Variants in TGFBI observed in about 807,000 individuals in gnomAD.
The protein encoded by TGFBI is transforming growth factor-beta-induced protein ig-h3.
In TGFBI, 50 loss-of-function variants were observed where a neutral mutation model predicts 73.7. The observed-to-expected ratio is 0.68, with a 90% CI of 0.54 to 0.86. TGFBI has a LOEUF of 0.86. Among genes scored for constraint, TGFBI ranks in the 40% least tolerant of loss-of-function variants. TGFBI has a pLI of 0.00. For synonymous variants in TGFBI, 362 were observed against 360.5 expected (o/e 1.00, Z -0.05); for missense variants, 839 against 877.0 (o/e 0.96, Z 0.55).
intron 5 of TGFBI, 74 bp from the exon 6 acceptor site, chr5:136,047,200 G>C (rs1353575730): frequency 1.3e-6 from 2 of 1,586,704 alleles, no homozygotes; most frequent in East Asian, 4.5e-5. Context: ...TGAAAACACT[G>C]TTTTCTCCTC....
intron 2 of TGFBI, among the ~76,000 whole-genome samples, chr5:136,037,723 G>A (rs1751253359): frequency 6.6e-6 from 1 of 152,238 alleles, no homozygotes; most frequent in Non-Finnish European, 1.5e-5. Context: ...TTCTCTAGTA[G>A]CAAGTGTTCC....
chr5:136,046,274 G>A, intron 3 of TGFBI, 61 bp from the exon 4 acceptor site: 2 of 1,595,238 alleles, frequency 1.3e-6, no homozygotes, highest in South Asian at 1.1e-5. Context: ...TCAGAGAAGG[G>A]AGGGTGTGGT....
chr5:136,059,124 C>T lies in TGFBI; in HGVS notation c.1713C>T (p.Tyr571=), dbSNP rs771319985. The part of the protein sequence containing the change: ...DAKELANILK[Y]HIGDEILVSG... ...AGGAACTTGCCAACATCCTGAAATACCACATTGGTGATGAAATCCTGGTTA... is the reference window on the plus strand; with the variant it reads ...AGGAACTTGCCAACATCCTGAAATATCACATTGGTGATGAAATCCTGGTTA... The change falls in exon 13 of 17, where the codon TAC becomes TAT. Residue 571 remains tyrosine, a synonymous_variant. Coordinates refer to ENST00000442011, the MANE Select transcript of TGFBI (RefSeq NM_000358.3). The T allele has an allele frequency of 1.5e-4, 237 of 1,611,522 alleles. No individual in the cohort carries two copies. The highest frequency in any genetic ancestry group is 2.0e-4 in the Non-Finnish European group (231 of 1,179,052).
chr5:136,050,875 C>T (rs569740474), intron 7 of TGFBI, among the ~76,000 whole-genome samples: 1 of 152,096 alleles, frequency 6.6e-6, no homozygotes, highest in South Asian at 2.1e-4. Context: ...TGCGCCTGGC[C>T]GGCACTGGGG....
intron 1 of TGFBI, among the ~76,000 whole-genome samples, chr5:136,031,980 G>C (rs536231910): frequency 6.6e-6 from 1 of 152,168 alleles, no homozygotes; most frequent in East Asian, 1.9e-4. Context: ...AAACGCCTAC[G>C]GAAAGTGGCA....
Position 136,053,095 on chromosome 5 carries a change from G to A in TGFBI, c.1102G>A (p.Asp368Asn), listed in dbSNP as rs758695308. The A allele has an allele frequency of 6.2e-7, 1 of 1,614,012 alleles. No homozygotes were observed. The highest frequency in any genetic ancestry group is 1.1e-5 in the South Asian group (1 of 91,076). The change falls in exon 8 of 17, where the codon GAT (aspartate) becomes AAT (asparagine). Residue 368 changes from aspartate (D) to asparagine (N), a missense_variant. Coordinates refer to ENST00000442011, the MANE Select transcript of TGFBI (RefSeq NM_000358.3). Reference protein sequence around the residue: ...LATNGVIHYIDELLIPDSAKT... With the variant: ...LATNGVIHYINELLIPDSAKT... ...CACCAACGGGGTGATCCACTACATT[G>A]ATGAGCTACTCATCCCAGACTCAGG...
chr5:136,043,970 G>A lies in TGFBI; in HGVS notation c.234-88G>A, dbSNP rs1190440183. 3.7e-6 allele frequency: 4 copies of A among 1,091,654 alleles called. No individual in the cohort carries two copies. The South Asian group carries it at 3.9e-5, about 11-fold the overall frequency. The allele number at this position is 1,091,654 out of a possible 1,614,324, so 67.6% of individuals were successfully genotyped here. ...CACCCACCATTCCTCTTCCTTGGCT[G>A]TGGAGGCAACTTAGTGGAGAGGGGC... is the stretch of plus-strand genomic sequence containing the variant. On this transcript the variant is annotated intron_variant, in intron 2 of 16. Coordinates refer to ENST00000442011, the MANE Select transcript of TGFBI (RefSeq NM_000358.3).
intron 15 of TGFBI, 73 bp from the exon 16 acceptor site, chr5:136,062,590 G>C (rs3749782): frequency 6.7e-7 from 1 of 1,487,204 alleles, no homozygotes; most frequent in Non-Finnish European, 9.2e-7. Context: ...GTGGCAATGG[G>C]CAAAGCCATT....
chr5:136,029,834 G>A (rs913590681), intron 1 of TGFBI, among the ~76,000 whole-genome samples: 1 of 152,206 alleles, frequency 6.6e-6, no homozygotes, highest in East Asian at 1.9e-4. Context: ...GTCCTGAGTG[G>A]TTCCACTTTC....
At chr5:136,052,874 C>T in intron 7 of TGFBI, 33 bp from the exon 8 acceptor site, 1 of 1,604,948 alleles carries the variant, frequency 6.2e-7, no homozygotes, top group Non-Finnish European at 8.5e-7. Flanking sequence ...GTGGAGTGGA[C>T]CCTGACTTGA....
intron 2 of TGFBI, 136 bp from the exon 3 acceptor site, chr5:136,043,922 T>TGG: frequency 2.9e-6 from 2 of 697,020 alleles, no homozygotes; most frequent in Admixed American, 2.3e-5. Flanking sequence ...ACTTAGCAAA[T>TGG]AACTCCTAAG....
chr5:136,060,965 A>G, intron 14 of TGFBI, 29 bp downstream of exon 14: 1 of 1,495,910 alleles, frequency 6.7e-7, no homozygotes, highest in South Asian at 1.4e-5. Flanking sequence ...CTGACTCTGC[A>G]GCCAGTCCTT....
At position 136,063,197 on chromosome 5, in the gene TGFBI, CAA is replaced by C. The variant is rs761547065; in HGVS notation, c.2026_2027del (p.Lys676ValfsTer10). The C allele has an allele frequency of 3.1e-6, 5 of 1,613,784 alleles. No homozygotes were observed. Among genetic ancestry groups the C allele is most frequent in the Non-Finnish European group, 4.2e-6 (5 of 1,179,760 alleles). On this transcript the variant is annotated frameshift_variant, in exon 17 of 17. Coordinates refer to ENST00000442011, the MANE Select transcript of TGFBI (RefSeq NM_000358.3). LOFTEE classifies it high-confidence loss of function. ...CTTCTCTTTTTCAGCCCCTGTCTAT[CAA>C]AAGTTATTAGAGAGGATGAAGCATT... The part of the protein sequence containing the change: ...QRSVRLAPVY[Q>X]KLLERMKH
chr5:136,059,034 C>G, intron 12 of TGFBI, 56 bp from the exon 13 acceptor site: 1 of 1,579,274 alleles, frequency 6.3e-7, no homozygotes, highest in East Asian at 2.3e-5. Context: ...CCCTCCTTGA[C>G]CAGGCTAATT....
intron 4 of TGFBI, 27 bp downstream of exon 4, chr5:136,046,522 G>T (rs373028294): frequency 1.3e-6 from 2 of 1,578,642 alleles, no homozygotes; most frequent in South Asian, 1.1e-5. Flanking sequence ...CTGCCCGGGG[G>T]ACTCTTATGG....
At chr5:136,060,036 G>C (rs1339826342) in intron 13 of TGFBI, among the ~76,000 whole-genome samples, 3 of 152,224 alleles carry the variant, frequency 2.0e-5, no homozygotes, top group Non-Finnish European at 2.9e-5. Context: ...GCCTGAGATA[G>C]ATTTGCCCTG....
chr5:136,051,714 C>A (rs934615014), intron 7 of TGFBI, among the ~76,000 whole-genome samples: 1 of 152,202 alleles, frequency 6.6e-6, no homozygotes, highest in Non-Finnish European at 1.5e-5. Context: ...GACTAGTTTC[C>A]AGCCCTGGCC....
intron 2 of TGFBI, among the ~76,000 whole-genome samples, chr5:136,043,292 T>C (rs549004396): frequency 7.9e-5 from 12 of 152,340 alleles, no homozygotes; most frequent in Non-Finnish European, 1.8e-4. Context: ...CCCAGAATAT[T>C]GGTTCGTTAA....
intron 1 of TGFBI, among the ~76,000 whole-genome samples, chr5:136,032,298 C>T (rs1751134971): frequency 2.0e-5 from 3 of 152,184 alleles, no homozygotes; most frequent in Admixed American, 2.0e-4. Flanking sequence ...CATTGTCCCT[C>T]CTGGGCCCAC....
Sources: gnomAD v4.1 joint callset for allele counts (sites outside exome capture counted in the v4.1 genomes callset) on GRCh38, gnomAD v4.1.1 for gene constraint, MANE v1.5 for transcripts, NCBI Gene and HGNC (gene_info 2026-07-23, HGNC 2026-07-21) for gene names.